Variants in DMD observed in about 807,000 individuals in gnomAD.
DMD encodes dystrophin, also known as mutant dystrophin.
DMD carries 63 observed loss-of-function variants against 330.1 expected under a neutral mutation model. That is an observed-to-expected ratio of 0.19 (90% confidence interval 0.16 to 0.24). DMD has a LOEUF of 0.24. Among genes scored for constraint, DMD ranks in the 10% least tolerant of loss-of-function variants. The pLI is 1.00. For synonymous variants in DMD, 1,223 were observed against 959.8 expected (o/e 1.27, Z -5.07); for missense variants, 3,344 against 2,684.1 (o/e 1.25, Z -5.43).
intron 12 of DMD, 73 bp downstream of exon 12, chrX:32,614,230 G>T: frequency 2.0e-6 from 2 of 999,260 alleles, no homozygotes; most frequent in South Asian, 2.0e-5. Context: ...CATGTCATCT[G>T]TGTTACTGTG....
intron 47 of DMD, among the ~76,000 whole-genome samples, chrX:31,917,054 C>A (rs1051812677): frequency 1.1e-4 from 12 of 111,423 alleles, no homozygotes; most frequent in African/African-American, 3.9e-4. Flanking sequence ...AACTCCTACA[C>A]AGACTCTTGA....
At chrX:32,371,899 T>C (rs1171461947) in intron 34 of DMD, among the ~76,000 whole-genome samples, 2 of 112,001 alleles carry the variant, frequency 1.8e-5, no homozygotes, top group East Asian at 5.5e-4. Flanking sequence ...TGAGGACTTA[T>C]ATTTTCTGCA....
intron 55 of DMD, among the ~76,000 whole-genome samples, chrX:31,551,410 C>G (rs1433210910): frequency 1.8e-5 from 2 of 110,621 alleles, no homozygotes; most frequent in Non-Finnish European, 3.8e-5. Flanking sequence ...TCTACCACCC[C>G]AAAGCTAAGA....
At chrX:33,197,452 G>A (rs1222906378) in intron 1 of DMD, among the ~76,000 whole-genome samples, 2 of 111,273 alleles carry the variant, frequency 1.8e-5, no homozygotes, top group Non-Finnish European at 3.8e-5. Flanking sequence ...GTGTGTGTGT[G>A]TGTGTGTTTG....
At chrX:32,483,820 CAAAAAA>C (rs770119472) in intron 21 of DMD, among the ~76,000 whole-genome samples, 3 of 37,257 alleles carry the variant, frequency 8.1e-5, no homozygotes, top group East Asian at 1.0e-3. Context: ...CTCTGAAGTA[CAAAAAA>C]AAAAAAAAAA....
chrX:32,790,557 G>A (rs1353818103), intron 7 of DMD, among the ~76,000 whole-genome samples: 1 of 111,352 alleles, frequency 9.0e-6, no homozygotes, highest in Non-Finnish European at 1.9e-5. Context: ...CCTGACCTAG[G>A]ACTAAAAATC....
intron 1 of DMD, among the ~76,000 whole-genome samples, chrX:33,176,030 A>T (rs1216776858): frequency 9.0e-6 from 1 of 111,447 alleles, no homozygotes; most frequent in Admixed American, 9.6e-5. Flanking sequence ...AAAAAAGATT[A>T]AGTGGCTGAA....
intron 44 of DMD, among the ~76,000 whole-genome samples, chrX:32,191,755 ATACT>A (rs1204198231): frequency 1.8e-5 from 2 of 112,129 alleles, no homozygotes; most frequent in Non-Finnish European, 3.8e-5. Flanking sequence ...ATTACTTATA[ATACT>A]TAATACAATG....
At chrX:33,116,584 T>C (rs2095386817) in intron 1 of DMD, among the ~76,000 whole-genome samples, 1 of 111,312 alleles carries the variant, frequency 9.0e-6, no homozygotes, top group South Asian at 3.7e-4. Context: ...TAAAAAGTTA[T>C]GGAATCAAAG....
At chrX:32,333,368 A>G (rs962859158) in intron 41 of DMD, among the ~76,000 whole-genome samples, 1 of 111,253 alleles carries the variant, frequency 9.0e-6, no homozygotes, top group East Asian at 2.8e-4. Flanking sequence ...TCAGTACACA[A>G]TTCTAGGTTC....
chrX:32,087,436 C>T (rs1238168352), intron 44 of DMD, among the ~76,000 whole-genome samples: 1 of 111,275 alleles, frequency 9.0e-6, no homozygotes, highest in Non-Finnish European at 1.9e-5. Flanking sequence ...CATTAAAGGA[C>T]CCGCACAGGT....
intron 60 of DMD, among the ~76,000 whole-genome samples, chrX:31,425,712 G>GCACACACGCACA (rs61365841): frequency 5.4e-4 from 53 of 98,767 alleles, no homozygotes; most frequent in Admixed American, 4.3e-3. Flanking sequence ...ACACACACAC[G>GCACACACGCACA]CACACAATAC....
At chrX:32,186,816 G>A (rs947297711) in intron 44 of DMD, among the ~76,000 whole-genome samples, 11 of 110,759 alleles carry the variant, frequency 9.9e-5, no homozygotes, top group African/African-American at 3.6e-4. Flanking sequence ...TTTTATGAAC[G>A]TTGAGTGGGG....
At chrX:32,474,937 A>C (rs138642699) in intron 21 of DMD, among the ~76,000 whole-genome samples, 2,216 of 111,454 alleles carry the variant, frequency 0.02, 54 homozygotes, top group African/African-American at 0.069. Flanking sequence ...GCCTAAGCCA[A>C]TGTCTAGAAA....
intron 44 of DMD, among the ~76,000 whole-genome samples, chrX:32,044,718 A>G (rs139346118): frequency 0.015 from 1,708 of 112,157 alleles, 32 homozygotes; most frequent in African/African-American, 0.052. Context: ...CTCCGCACCC[A>G]GCCTATATCA....
chrX:32,492,817 A>G (rs920712397), intron 19 of DMD, among the ~76,000 whole-genome samples: 3 of 112,077 alleles, frequency 2.7e-5, no homozygotes, highest in African/African-American at 9.7e-5. Context: ...ACTTTCTTAT[A>G]CTTTGGAAAT....
At chrX:33,080,751 T>C (rs1004043990) in intron 1 of DMD, among the ~76,000 whole-genome samples, 4 of 111,243 alleles carry the variant, frequency 3.6e-5, no homozygotes, top group African/African-American at 1.3e-4. Context: ...AGTTTGACCT[T>C]AAAGAATTTA....
chrX:31,871,201 C>T (rs1248121025), intron 48 of DMD, among the ~76,000 whole-genome samples: 2 of 111,092 alleles, frequency 1.8e-5, no homozygotes, highest in Non-Finnish European at 3.8e-5. Context: ...AATTTTCACC[C>T]TCTACATCAC....
Position 31,875,870 on chromosome X carries a change from C to T in DMD, c.6913-497G>A, listed in dbSNP as rs1262265714. On this transcript the variant is annotated intron_variant, in intron 47 of 78. Coordinates refer to ENST00000357033, the MANE Select transcript of DMD (RefSeq NM_004006.3). ...TCAATGCGCATCCTAAAATTAAAAC[C>T]AAACCAACTATAATTTTGTTTGTAT... Among the ~76,000 whole-genome samples the T allele has an allele frequency of 4.5e-5, 5 of 112,182 alleles. No homozygotes were observed. In the South Asian group the frequency reaches 1.8e-3, roughly 41 times the overall value.
Sources: gnomAD v4.1 joint callset for allele counts (sites outside exome capture counted in the v4.1 genomes callset) on GRCh38, gnomAD v4.1.1 for gene constraint, MANE v1.5 for transcripts, NCBI Gene and HGNC (gene_info 2026-07-23, HGNC 2026-07-21) for gene names.